The following JAK1 variants were observed in gnomAD, a reference collection of about 807,000 sequenced individuals.
JAK1 encodes the protein tyrosine-protein kinase JAK1.
A neutral mutation model predicts 136.6 loss-of-function variants in JAK1; 16 were observed. The ratio of observed to expected loss-of-function variants is 0.12; its 90% CI spans 0.08 to 0.18. The LOEUF (loss-of-function observed/expected upper bound fraction) is 0.18, where lower values mean the gene tolerates loss of function less well. Ranked by LOEUF, JAK1 falls within the 10% of genes least tolerant of loss-of-function variation. The pLI, the probability that JAK1 is intolerant of heterozygous loss-of-function variation, is 1.00. For synonymous variants in JAK1, 492 were observed against 519.5 expected (o/e 0.95, Z 0.72); for missense variants, 859 against 1,450.1 (o/e 0.59, Z 6.62).
At chr1:65,057,713 T>C (rs1236116930) in intron 1 of JAK1, 1 of 154,824 alleles carries the variant, frequency 6.5e-6, no homozygotes, top group Admixed American at 6.5e-5. Context: ...GATGCTGGCT[T>C]GGTGTTTACA....
In JAK1 at chr1:64,897,525, GGAGGGAGGAGGAGGAGGAGGAGGAGGA is replaced by G. The variant is rs1645038369; in HGVS notation, c.-77-11211_-77-11185del. Among the ~76,000 whole-genome samples the G allele has an allele frequency of 1.9e-3, 6 of 3,078 alleles. 1 individual carries two copies. The highest frequency in any genetic ancestry group is 0.013 in the South Asian group (1 of 78). 2.0% of individuals were successfully genotyped at this position (3,078 alleles called of 152,430 possible). ...GGAGGGGGGAGGGGGAGGGGGAGGGGGAGGGAGGAGGAGGAGGAGGAGGAGGAGGAGGAGGAGGAGGAGGAGGAGGAG... is the reference window on the plus strand; with the variant it reads ...GGAGGGGGGAGGGGGAGGGGGAGGGGGGAGGAGGAGGAGGAGGAGGAGGAG... On this transcript the variant is annotated intron_variant, in intron 1 of 24. Coordinates refer to ENST00000342505, the MANE Select transcript of JAK1 (RefSeq NM_002227.4).
chr1:64,962,700 C>T (rs763858051), intron 1 of JAK1, among the ~76,000 whole-genome samples: 11 of 152,044 alleles, frequency 7.2e-5, no homozygotes, highest in Admixed American at 1.3e-4. Context: ...TAGCTGAGCA[C>T]GGGGGAGAGT....
intron 2 of JAK1, chr1:64,989,776 T>C (rs1264117316): frequency 6.6e-6 from 1 of 152,076 alleles, no homozygotes; most frequent in African/African-American, 2.4e-5. Flanking sequence ...GAAGCACCTG[T>C]GAATGCAGGG....
intron 2 of JAK1, among the ~76,000 whole-genome samples, chr1:65,042,059 A>G (rs1010760906): frequency 2.0e-5 from 3 of 152,122 alleles, no homozygotes; most frequent in Non-Finnish European, 2.9e-5. Context: ...AAAACAAAAC[A>G]AAACAAAAAA....
At chr1:65,020,226 A>G (rs1263388115) in intron 2 of JAK1, among the ~76,000 whole-genome samples, 1 of 108,974 alleles carries the variant, frequency 9.2e-6, no homozygotes, top group African/African-American at 4.5e-5. Flanking sequence ...ACTCCGTCTC[A>G]AAAAAAAAAA....
chr1:64,877,878 A>C (rs1285348979), intron 4 of JAK1, among the ~76,000 whole-genome samples: 1 of 152,206 alleles, frequency 6.6e-6, no homozygotes, highest in East Asian at 1.9e-4. Flanking sequence ...TGAAATCTCC[A>C]CGGCACACAG....
At chr1:65,001,103 C>G (rs1000986205) in intron 2 of JAK1, among the ~76,000 whole-genome samples, 1 of 152,266 alleles carries the variant, frequency 6.6e-6, no homozygotes, top group Admixed American at 6.5e-5. Flanking sequence ...GGAAAAACAG[C>G]TGCTCTAGTT....
intron 2 of JAK1, among the ~76,000 whole-genome samples, chr1:65,042,098 A>C (rs953208718): frequency 6.6e-6 from 1 of 152,054 alleles, no homozygotes; most frequent in East Asian, 1.9e-4. Flanking sequence ...AAACAAAAAA[A>C]CCCTCAAAAC....
At chr1:65,022,262 G>A (rs572017591) in intron 2 of JAK1, among the ~76,000 whole-genome samples, 43 of 152,330 alleles carry the variant, frequency 2.8e-4, no homozygotes, top group South Asian at 1.9e-3. Context: ...CTTGTGTAAT[G>A]TCCCCTCTCC....
intron 10 of JAK1, among the ~76,000 whole-genome samples, 192 bp downstream of exon 10, chr1:64,857,464 G>T (rs1656013092): frequency 6.6e-6 from 1 of 152,198 alleles, no homozygotes; most frequent in Admixed American, 6.5e-5. Context: ...GGATGCAGGG[G>T]TCTGGCTACT....
At chr1:64,997,725 G>A (rs931088188) in intron 2 of JAK1, among the ~76,000 whole-genome samples, 3 of 152,062 alleles carry the variant, frequency 2.0e-5, no homozygotes, top group African/African-American at 7.2e-5. Flanking sequence ...GGGCTGTCGG[G>A]GACTGTTGTG....
At chr1:65,067,503 G>A (rs1450867798) in intron 1 of JAK1, 3 of 145,842 alleles carry the variant, frequency 2.1e-5, no homozygotes, top group East Asian at 4.0e-4. Flanking sequence ...TCTGCGCCCC[G>A]AGCCTCGCGC....
At chr1:65,052,237 A>G (rs1376216850) in intron 1 of JAK1, among the ~76,000 whole-genome samples, 2 of 150,426 alleles carry the variant, frequency 1.3e-5, no homozygotes, top group African/African-American at 4.9e-5. Flanking sequence ...CACCCAGCTC[A>G]GGCACACATT....
intron 1 of JAK1, among the ~76,000 whole-genome samples, chr1:64,924,571 C>T (rs565241310): frequency 5.3e-4 from 80 of 152,310 alleles, no homozygotes; most frequent in African/African-American, 1.9e-3. Flanking sequence ...CTTTGTATGT[C>T]ATGCATCAAC....
upstream of JAK1, among the ~76,000 whole-genome samples, chr1:64,968,524 C>T (rs1456535519): frequency 2.0e-5 from 3 of 152,092 alleles, no homozygotes; most frequent in African/African-American, 4.8e-5. Flanking sequence ...TGTGGCGGCT[C>T]ATGCCTGTAA....
At chr1:64,852,319 A>G (rs774715205) in intron 11 of JAK1, among the ~76,000 whole-genome samples, 10 of 152,184 alleles carry the variant, frequency 6.6e-5, no homozygotes, top group Non-Finnish European at 1.3e-4. Flanking sequence ...GAAGTCAGAG[A>G]TGCTCTCGTC....
Position 64,834,550 on chromosome 1 carries a change from T to C in JAK1, c.*12A>G. 1.3e-6 allele frequency: 2 copies of C among 1,530,118 alleles called. No individual in the cohort carries two copies. The highest frequency in any genetic ancestry group is 1.7e-5 in the Admixed American group (1 of 59,150). 94.8% of individuals were successfully genotyped at this position (1,530,118 alleles called of 1,614,324 possible). ...TTGATAATCTGTGGAATTTAAATGT[T>C]ATTCATGCTTCTTATTTTAAAAGTG... On this transcript the variant is annotated 3_prime_UTR_variant, in exon 25 of 25. Coordinates refer to ENST00000342505, the MANE Select transcript of JAK1 (RefSeq NM_002227.4).
Position 64,836,233 on chromosome 1 carries a change from C to T in JAK1, c.3141-18G>A, listed in dbSNP as rs376540893. 5.0e-6 allele frequency: 7 copies of T among 1,410,254 alleles called. No homozygotes were observed. The highest frequency in any genetic ancestry group is 1.4e-5 in the African/African-American group (1 of 70,778). 87.4% of individuals were successfully genotyped at this position (1,410,254 alleles called of 1,614,324 possible). ...GAGCATACCTTGAAAGGAAGCAGAACACAAAACTTCATTTCCTGGGAGGCA... is the reference window on the plus strand; with the variant it reads ...GAGCATACCTTGAAAGGAAGCAGAATACAAAACTTCATTTCCTGGGAGGCA... On this transcript the variant is annotated intron_variant, in intron 22 of 24. Coordinates refer to ENST00000342505, the MANE Select transcript of JAK1 (RefSeq NM_002227.4).
chr1:64,948,701 T>C (rs1646030060), intron 1 of JAK1, among the ~76,000 whole-genome samples: 1 of 152,238 alleles, frequency 6.6e-6, no homozygotes, highest in Non-Finnish European at 1.5e-5. Context: ...AAGAAGACTC[T>C]ATTTTTTGTG....
Sources: gnomAD v4.1 joint callset for allele counts (sites outside exome capture counted in the v4.1 genomes callset) on GRCh38, gnomAD v4.1.1 for gene constraint, MANE v1.5 for transcripts, NCBI Gene and HGNC (gene_info 2026-07-23, HGNC 2026-07-21) for gene names.